RNF150: variants seen among roughly 807,000 people sequenced by gnomAD.
The protein encoded by RNF150 is ring finger protein 150.
Under a neutral mutation model 39.3 loss-of-function variants are expected in RNF150, and 24 were observed. That is an observed-to-expected ratio of 0.61 (90% CI 0.44 to 0.86). RNF150 has a LOEUF of 0.86. Ranked by LOEUF, RNF150 falls within the 40% of genes least tolerant of loss-of-function variation. The probability of loss-of-function intolerance (pLI) is 0.00; values close to 1 mark genes in which losing one functional copy is unlikely to be tolerated. For missense variants in RNF150, 502 were observed against 587.8 expected, an observed-to-expected ratio of 0.85 and a Z score of 1.51; for synonymous variants, 255 against 227.3, an observed-to-expected ratio of 1.12 and a Z score of -1.10.
chr4:141,074,235 A>ACCACAATGATGGAC (rs1189162413), intron 1 of RNF150, among the ~76,000 whole-genome samples: 2 of 151,896 alleles, frequency 1.3e-5, no homozygotes, highest in Non-Finnish European at 2.9e-5. Context: ...GCAATTCACA[A>ACCACAATGATGGAC]CCACAATGAT....
chr4:141,193,539 T>C (rs1165613928), intron 1 of RNF150, among the ~76,000 whole-genome samples: 1 of 152,236 alleles, frequency 6.6e-6, no homozygotes, highest in African/African-American at 2.4e-5. Flanking sequence ...ACTGGGGATA[T>C]GGTAGCAAGA....
At chr4:140,879,373 T>C (rs1398273417) in intron 6 of RNF150, among the ~76,000 whole-genome samples, 2 of 152,074 alleles carry the variant, frequency 1.3e-5, no homozygotes, top group Non-Finnish European at 2.9e-5. Flanking sequence ...ACATGTGATA[T>C]CTTTCCATTT....
intron 1 of RNF150, among the ~76,000 whole-genome samples, chr4:141,078,806 AAAATATAT>A (rs1392325356): frequency 4.0e-3 from 251 of 62,722 alleles, no homozygotes; most frequent in Middle Eastern, 0.01. Context: ...AAAAAAAAAA[AAAATATAT>A]ATATATATAT....
intron 1 of RNF150, among the ~76,000 whole-genome samples, chr4:141,007,288 G>A (rs187221292): frequency 6.6e-4 from 100 of 152,274 alleles, no homozygotes; most frequent in Non-Finnish European, 1.3e-3. Context: ...TCTTCTGTAA[G>A]GAATCTCTGA....
intron 4 of RNF150, among the ~76,000 whole-genome samples, chr4:140,937,323 C>A (rs959709210): frequency 6.6e-6 from 1 of 152,096 alleles, no homozygotes; most frequent in Non-Finnish European, 1.5e-5. Flanking sequence ...TGCAATGGTG[C>A]GATCTCAGCT....
intron 1 of RNF150, among the ~76,000 whole-genome samples, chr4:141,208,855 T>C (rs759685501): frequency 1.3e-4 from 20 of 152,098 alleles, no homozygotes; most frequent in Non-Finnish European, 2.6e-4. Flanking sequence ...GTTAGCCTGC[T>C]ACTGTTTTGT....
At chr4:140,968,772 C>A (rs374424618) in intron 1 of RNF150, among the ~76,000 whole-genome samples, 40 of 151,716 alleles carry the variant, frequency 2.6e-4, no homozygotes, top group African/African-American at 9.4e-4. Flanking sequence ...TGAAGTGAAG[C>A]CTCTTGGTGA....
intron 1 of RNF150, among the ~76,000 whole-genome samples, chr4:141,118,881 C>G (rs983654765): frequency 2.6e-5 from 4 of 152,142 alleles, no homozygotes; most frequent in Non-Finnish European, 5.9e-5. Flanking sequence ...CTGCCTCAGC[C>G]TCCCGGGTAG....
intron 1 of RNF150, among the ~76,000 whole-genome samples, chr4:141,092,428 A>G (rs1227237020): frequency 6.6e-6 from 1 of 152,218 alleles, no homozygotes; most frequent in Non-Finnish European, 1.5e-5. Context: ...ATATCTTAAA[A>G]AAATTTGTAT....
chr4:141,135,508 A>C (rs1727016332), upstream of RNF150, among the ~76,000 whole-genome samples: 1 of 152,242 alleles, frequency 6.6e-6, no homozygotes, highest in South Asian at 2.1e-4. Flanking sequence ...TCTGAACATA[A>C]AATAAATGAT....
chr4:140,945,258 C>G (rs555067073), intron 4 of RNF150, among the ~76,000 whole-genome samples: 1 of 152,046 alleles, frequency 6.6e-6, no homozygotes, highest in East Asian at 1.9e-4. Flanking sequence ...CATTAAAATC[C>G]CTAAGGTTTT....
intron 1 of RNF150, among the ~76,000 whole-genome samples, chr4:141,158,753 CA>C (rs1285808288): frequency 1.3e-5 from 2 of 152,136 alleles, no homozygotes; most frequent in African/African-American, 4.8e-5. Flanking sequence ...CCCACCACCC[CA>C]ACCCACATTG....
intron 1 of RNF150, among the ~76,000 whole-genome samples, chr4:141,087,149 C>G (rs983972103): frequency 6.6e-6 from 1 of 152,132 alleles, no homozygotes; most frequent in South Asian, 2.1e-4. Flanking sequence ...CCACCCTCCC[C>G]CTCAAGTAGA....
At chr4:141,168,041 C>A (rs990006046) in intron 1 of RNF150, among the ~76,000 whole-genome samples, 2 of 151,886 alleles carry the variant, frequency 1.3e-5, no homozygotes, top group Non-Finnish European at 1.5e-5. Flanking sequence ...TGCAATCTAC[C>A]CATCTGACAA....
intron 1 of RNF150, among the ~76,000 whole-genome samples, chr4:141,125,507 A>C (rs899934198): frequency 2.6e-5 from 4 of 152,226 alleles, no homozygotes; most frequent in African/African-American, 9.6e-5. Context: ...TACAGTATAT[A>C]AAAGATGAAA....
upstream of RNF150, among the ~76,000 whole-genome samples, chr4:141,137,315 G>A (rs1727042258): frequency 6.6e-6 from 1 of 152,206 alleles, no homozygotes; most frequent in Non-Finnish European, 1.5e-5. Context: ...AAGCAAGTAT[G>A]GGAGCAAGTA....
intron 1 of RNF150, among the ~76,000 whole-genome samples, chr4:141,031,509 A>G (rs1735943200): frequency 6.6e-6 from 1 of 152,134 alleles, no homozygotes; most frequent in Admixed American, 6.5e-5. Context: ...CATCTGATAA[A>G]GAGTTAATAA....
At chr4:140,996,724 A>G (rs892465898) in intron 1 of RNF150, among the ~76,000 whole-genome samples, 2 of 152,388 alleles carry the variant, frequency 1.3e-5, no homozygotes, top group African/African-American at 4.8e-5. Context: ...AATTTGTACA[A>G]GAAATATTCA....
chr4:141,030,606 A>C (rs1295649957), intron 1 of RNF150, among the ~76,000 whole-genome samples: 7 of 152,204 alleles, frequency 4.6e-5, no homozygotes, highest in Non-Finnish European at 1.0e-4. Context: ...CATATAAAGG[A>C]CTATTCCACA....
Sources: gnomAD v4.1 joint callset for allele counts (sites outside exome capture counted in the v4.1 genomes callset) on GRCh38, gnomAD v4.1.1 for gene constraint, MANE v1.5 for transcripts, NCBI Gene and HGNC (gene_info 2026-07-23, HGNC 2026-07-21) for gene names.